The following GSTK1 variants were observed in gnomAD, a reference collection of about 807,000 sequenced individuals.
GSTK1 encodes the protein GST class-kappa.
Under a neutral mutation model 30.9 loss-of-function variants are expected in GSTK1, and 25 were observed. The observed-to-expected ratio is 0.81, with a 90% CI of 0.59 to 1.13. The LOEUF (loss-of-function observed/expected upper bound fraction) is 1.13, where lower values mean the gene tolerates loss of function less well. Among genes scored for constraint, GSTK1 ranks in the 50% most tolerant of loss-of-function variants. The probability of loss-of-function intolerance (pLI) is 0.00; values close to 1 mark genes in which losing one functional copy is unlikely to be tolerated. For missense variants in GSTK1, 292 were observed against 292.4 expected (o/e 1.00, Z 0.01); for synonymous variants, 108 against 112.5 (o/e 0.96, Z 0.25).
At position 143,264,135 on chromosome 7, in the gene GSTK1, C is replaced by G. The variant is rs1184975579; in HGVS notation, c.122C>G (p.Pro41Arg). The G allele has an allele frequency of 1.2e-6, 2 of 1,614,080 alleles. No individual in the cohort carries two copies. The highest frequency in any genetic ancestry group is 1.7e-6 in the Non-Finnish European group (2 of 1,179,970). Residue 41 changes from proline to arginine, a missense_variant, in exon 2 of 8, where the codon CCC becomes CGC. By Grantham distance (103) the Pro-to-Arg change is moderately radical. Coordinates refer to ENST00000358406, the MANE Select transcript of GSTK1 (RefSeq NM_015917.3). The stretch of plus-strand genomic sequence containing the variant: ...TGGAACATCAACCTGCAGTTGCGGC[C>G]CAGCCTCATAACAGGGATCATGAAA... ...NIWNINLQLRPSLITGIMKDS... is the reference protein window; with the variant it reads ...NIWNINLQLRRSLITGIMKDS...
intron 2 of GSTK1, 66 bp downstream of exon 2, chr7:143,264,233 T>C (rs1800803635): frequency 8.0e-6 from 11 of 1,367,992 alleles, no homozygotes; most frequent in Non-Finnish European, 1.1e-5. Flanking sequence ...CAGCGGGTCC[T>C]TATATTGGCA....
intron 5 of GSTK1, 114 bp from the exon 6 acceptor site, chr7:143,267,503 A>G (rs1472871568): frequency 1.3e-6 from 1 of 760,936 alleles, no homozygotes; most frequent in Non-Finnish European, 2.3e-6. Context: ...GTGGGTGGGT[A>G]AGGGCATTGC....
At chr7:143,266,644 TCTTTCTTTC>T in intron 5 of GSTK1, among the ~76,000 whole-genome samples, 1 of 145,930 alleles carries the variant, frequency 6.9e-6, no homozygotes, top group Non-Finnish European at 1.5e-5. Flanking sequence ...TTCTTTTTTT[TCTTTCTTTC>T]TTTTTTTTTT....
chr7:143,268,358 C>G lies in GSTK1; in HGVS notation c.631+174C>G, dbSNP rs1800943592. Among the ~76,000 whole-genome samples the G allele has an allele frequency of 6.6e-6, 1 of 152,118 alleles. No homozygotes were observed. The highest frequency in any genetic ancestry group is 2.1e-4 in the South Asian group (1 of 4,830). On this transcript the variant is annotated intron_variant, in intron 7 of 7. Transcript: ENST00000358406. This position sits in a 1 kb window ranked among gnomAD's most constrained non-coding sequence, Gnocchi z 4.1. The stretch of plus-strand genomic sequence containing the variant: ...ATATAAAAATTAGCTGGGACTACAG[C>G]TGCCTCAGTGGGAGGCTGAGGCAGG...
chr7:143,265,885 TA>T (rs1395438928), intron 5 of GSTK1, among the ~76,000 whole-genome samples: 1 of 152,124 alleles, frequency 6.6e-6, no homozygotes, highest in Non-Finnish European at 1.5e-5. Flanking sequence ...TATTCAAATT[TA>T]ATATATAAAG....
intron 5 of GSTK1, among the ~76,000 whole-genome samples, chr7:143,265,914 G>C (rs1484539820): frequency 6.7e-5 from 10 of 150,324 alleles, no homozygotes; most frequent in African/African-American, 2.2e-4. Context: ...TCACACAAAA[G>C]TTAAACGTAT....
At position 143,268,062 on chromosome 7, in the gene GSTK1, C is replaced by A. The variant is rs752857576; in HGVS notation, c.538-29C>A. The A allele has an allele frequency of 3.2e-6, 5 of 1,566,810 alleles. No homozygotes were observed. The Admixed American group carries it at 6.9e-5, about 22-fold the overall frequency. On this transcript the variant is annotated intron_variant, in intron 6 of 7. Coordinates refer to ENST00000358406, the MANE Select transcript of GSTK1 (RefSeq NM_015917.3). This position sits in a 1 kb window ranked among gnomAD's most constrained non-coding sequence, Gnocchi z 4.1. ...TGCCTAATACCTGCTCCTTTGCCTT[C>A]CTCCTTGCATTGTAACTGCTTTCTC...
At chr7:143,264,029 G>C (rs931040021) in intron 1 of GSTK1, 57 bp from the exon 2 acceptor site, 1 of 1,500,164 alleles carries the variant, frequency 6.7e-7, no homozygotes, top group Non-Finnish European at 9.3e-7. Flanking sequence ...CCTTTCCCTC[G>C]GCTCTTTCAC....
chr7:143,267,965 G>A, intron 6 of GSTK1, 126 bp from the exon 7 acceptor site: 1 of 748,250 alleles, frequency 1.3e-6, no homozygotes, highest in South Asian at 1.7e-5. Flanking sequence ...AAGGCACCTG[G>A]GGCCACAGAG....
intron 3 of GSTK1, 51 bp from the exon 4 acceptor site, chr7:143,264,941 A>C (rs1800828398): frequency 6.3e-7 from 1 of 1,577,842 alleles, no homozygotes; most frequent in African/African-American, 1.3e-5. Flanking sequence ...CTAGTCCTCC[A>C]CCAGGAAAGC....
In GSTK1 at chr7:143,263,527, C is replaced by T. The variant is rs1205620193; in HGVS notation, c.14C>T (p.Pro5Leu). Residue 5 changes from proline to leucine, a missense_variant, in exon 1 of 8, where the codon CCG becomes CTG. Pro to Leu is a moderately conservative substitution (Grantham distance 98, BLOSUM62 -3). Coordinates refer to ENST00000358406, the MANE Select transcript of GSTK1 (RefSeq NM_015917.3). The stretch of plus-strand genomic sequence containing the variant: ...GGAGCCTGCAGCATGGGGCCCCTGC[C>T]GCGCACCGTGGAGCTCTTCTATGAC... MGPL[P>L]RTVELFYDVL... 6.8e-6 allele frequency: 11 copies of T among 1,610,476 alleles called. No individual in the cohort carries two copies. Among genetic ancestry groups the T allele is most frequent in the Admixed American group, 1.7e-5 (1 of 60,030 alleles).
rs1800827278 is a variant in GSTK1, at chr7:143,264,892, G to A, written c.284-100G>A. 9.5e-6 allele frequency: 13 copies of A among 1,364,728 alleles called. No homozygotes were observed. The South Asian group carries it at 1.7e-4, about 18-fold the overall frequency. 84.5% of individuals were successfully genotyped at this position (1,364,728 alleles called of 1,614,324 possible). ...TGGGAACCTTGGGTGAGAGGCTGAGGGCGGAGGAGCTCTGGGGGATGTCAG... is the reference window on the plus strand; with the variant it reads ...TGGGAACCTTGGGTGAGAGGCTGAGAGCGGAGGAGCTCTGGGGGATGTCAG... On this transcript the variant is annotated intron_variant, in intron 3 of 7. Transcript: ENST00000358406.
At chr7:143,263,932 C>G (rs1800791520) in intron 1 of GSTK1, 154 bp from the exon 2 acceptor site, 1 of 660,068 alleles carries the variant, frequency 1.5e-6, no homozygotes, top group African/African-American at 1.8e-5. Flanking sequence ...GAATAGATTT[C>G]TAGTAGTGAG....
chr7:143,268,855 A>G lies in GSTK1; in HGVS notation c.*18A>G. ...GACTTTAAGATTGCCCGGAGGAAGC[A>G]AACTCTTCGTATAAAAAAAGCAGGC... On this transcript the variant is annotated 3_prime_UTR_variant, in exon 8 of 8. Coordinates refer to ENST00000358406, the MANE Select transcript of GSTK1 (RefSeq NM_015917.3). The surrounding 1 kb of genome is among the most constrained non-coding windows in gnomAD (Gnocchi z 4.1). The G allele has an allele frequency of 6.2e-7, 1 of 1,612,158 alleles. No homozygotes were observed. The highest frequency in any genetic ancestry group is 8.5e-7 in the Non-Finnish European group (1 of 1,178,226).
At chr7:143,266,449 T>C (rs1296797108) in intron 5 of GSTK1, among the ~76,000 whole-genome samples, 2 of 152,012 alleles carry the variant, frequency 1.3e-5, no homozygotes, top group Non-Finnish European at 2.9e-5. Flanking sequence ...GTGTAGGACA[T>C]AATTCTCTAA....
chr7:143,264,949 A>G (rs748802330), intron 3 of GSTK1, 43 bp from the exon 4 acceptor site: 10 of 1,594,856 alleles, frequency 6.3e-6, no homozygotes, highest in Non-Finnish European at 8.6e-6. Flanking sequence ...CCACCAGGAA[A>G]GCAGCAAGAG....
At chr7:143,266,649 C>CTTTT (rs1800886939) in intron 5 of GSTK1, among the ~76,000 whole-genome samples, 2 of 92,574 alleles carry the variant, frequency 2.2e-5, no homozygotes, top group African/African-American at 8.3e-5. Context: ...TTTTTTCTTT[C>CTTTT]TTTCTTTTTT....
At position 143,269,069 on chromosome 7, in the gene GSTK1, C is replaced by T; in HGVS notation, c.*232C>T. On this transcript the variant is annotated 3_prime_UTR_variant, in exon 8 of 8. Coordinates refer to ENST00000358406, the MANE Select transcript of GSTK1 (RefSeq NM_015917.3). ...CTCACAAGTGCCTTTCAGAGAGCCCCAATTCTGCTTTCCCACAAAATAAAC... is the reference window on the plus strand; with the variant it reads ...CTCACAAGTGCCTTTCAGAGAGCCCTAATTCTGCTTTCCCACAAAATAAAC... 1 of 564,070 alleles carries T rather than the reference C, an allele frequency of 1.8e-6. No individual in the cohort carries two copies. The highest frequency in any genetic ancestry group is 3.2e-6 in the Non-Finnish European group (1 of 314,972). The allele number at this position is 564,070 out of a possible 1,614,324, so 34.9% of individuals were successfully genotyped here.
chr7:143,266,048 T>TG (rs1343346457), intron 5 of GSTK1, among the ~76,000 whole-genome samples: 1 of 131,002 alleles, frequency 7.6e-6, no homozygotes, highest in Admixed American at 7.7e-5. Context: ...TTTTTTTTTT[T>TG]GAGACACGGT....
Sources: gnomAD v4.1 joint callset for allele counts (sites outside exome capture counted in the v4.1 genomes callset) on GRCh38, gnomAD v4.1.1 for gene constraint, Gnocchi (gnomAD v3.1) non-coding constraint, MANE v1.5 for transcripts, NCBI Gene and HGNC (gene_info 2026-07-23, HGNC 2026-07-21) for gene names.